The following CCZ1 variants were observed in gnomAD, a reference collection of about 807,000 sequenced individuals.
CCZ1 encodes vacuolar fusion protein CCZ1 homolog.
Under a neutral mutation model 57.8 loss-of-function variants are expected in CCZ1, and 19 were observed. That is an observed-to-expected ratio of 0.33 (90% CI 0.23 to 0.48). The LOEUF (loss-of-function observed/expected upper bound fraction) is 0.48, where lower values mean the gene tolerates loss of function less well. CCZ1 is among the 20% of genes least tolerant of loss of function. The pLI is 0.99. For synonymous variants in CCZ1, 81 were observed against 167.0 expected, an observed-to-expected ratio of 0.49 and a Z score of 3.97; for missense variants, 200 against 492.0, an observed-to-expected ratio of 0.41 and a Z score of 5.61.
intron 1 of CCZ1, among the ~76,000 whole-genome samples, chr7:5,899,376 T>TTCTGAG (rs1562536505): frequency 9.7e-6 from 1 of 102,672 alleles, no homozygotes; most frequent in African/African-American, 3.3e-5. Context: ...TGTGTGTGTG[T>TTCTGAG]GTGTGTGGTT....
chr7:5,901,490 A>T (rs1394053451), intron 4 of CCZ1, 167 bp from the exon 5 acceptor site: 1 of 1,219,204 alleles, frequency 8.2e-7, no homozygotes, highest in Admixed American at 3.1e-5. Context: ...ATCTCAAAAA[A>T]AAAAAAAAAA....
chr7:5,899,404 G>A (rs1164940517), intron 1 of CCZ1, among the ~76,000 whole-genome samples: 3 of 145,128 alleles, frequency 2.1e-5, no homozygotes, highest in Middle Eastern at 3.5e-3. Context: ...GGTGGGGACG[G>A]CGACTTTCTC....
Position 5,912,726 on chromosome 7 carries a change from A to G in CCZ1, c.843-117A>G, listed in dbSNP as rs555070819. 33 of 1,224,158 alleles carry G rather than the reference A, an allele frequency of 2.7e-5. 1 individual carries two copies. The South Asian group carries it at 3.9e-4, about 14-fold the overall frequency. 75.8% of individuals were successfully genotyped at this position (1,224,158 alleles called of 1,614,324 possible). ...GCATATTCTGATATGGTGTTTGCCAAATAGCACCTGGCATCAAAAGCAACT... is the reference window on the plus strand; with the variant it reads ...GCATATTCTGATATGGTGTTTGCCAGATAGCACCTGGCATCAAAAGCAACT... On this transcript the variant is annotated intron_variant, in intron 9 of 14. Coordinates refer to ENST00000325974, the MANE Select transcript of CCZ1 (RefSeq NM_015622.6).
chr7:5,920,557 C>T (rs1287421670), intron 12 of CCZ1, among the ~76,000 whole-genome samples: 1 of 124,632 alleles, frequency 8.0e-6, no homozygotes, highest in Admixed American at 8.0e-5. Flanking sequence ...CTGCAGCCTC[C>T]GCCTCCCAGG....
chr7:5,903,775 T>G (rs1388308922), intron 6 of CCZ1, among the ~76,000 whole-genome samples: 1 of 147,270 alleles, frequency 6.8e-6, no homozygotes, highest in Non-Finnish European at 1.5e-5. Flanking sequence ...GGGCAGATCT[T>G]GAGGTCATGA....
chr7:5,899,334 G>GGTGTGTGTGTGTGTGT (rs869199583), intron 1 of CCZ1, among the ~76,000 whole-genome samples: 15 of 12,562 alleles, frequency 1.2e-3, no homozygotes, highest in East Asian at 6.0e-3. Context: ...TCGGGAGGGG[G>GGTGTGTGTGTGTGTGT]GTGTGTGTGT....
chr7:5,909,521 C>G (rs576535136), intron 7 of CCZ1, among the ~76,000 whole-genome samples: 10 of 147,584 alleles, frequency 6.8e-5, no homozygotes, highest in Non-Finnish European at 1.2e-4. Flanking sequence ...GGCAACGTAG[C>G]AAGACCCCCA....
chr7:5,906,841 A>G (rs1158698525), intron 7 of CCZ1, among the ~76,000 whole-genome samples: 5 of 150,724 alleles, frequency 3.3e-5, no homozygotes, highest in Non-Finnish European at 2.9e-5. Context: ...CTAGGAAGAC[A>G]ACAGAAATTT....
At chr7:5,920,469 G>GTTTTTT (rs1562546070) in intron 12 of CCZ1, among the ~76,000 whole-genome samples, 4 of 22,144 alleles carry the variant, frequency 1.8e-4, no homozygotes, top group African/African-American at 6.3e-4. Flanking sequence ...TTTCTCCCTG[G>GTTTTTT]CTTTTTTTTT....
At chr7:5,908,796 T>C (rs954367634) in intron 7 of CCZ1, among the ~76,000 whole-genome samples, 1 of 144,152 alleles carries the variant, frequency 6.9e-6, no homozygotes, top group African/African-American at 2.6e-5. Flanking sequence ...TCTGTGCTTT[T>C]TCCATGTGCT....
At chr7:5,903,428 T>C (rs1781729623) in intron 6 of CCZ1, among the ~76,000 whole-genome samples, 2 of 145,500 alleles carry the variant, frequency 1.4e-5, no homozygotes, top group Admixed American at 1.4e-4. Flanking sequence ...CTAGTTTATC[T>C]CGAAGCAACA....
At chr7:5,906,309 C>A (rs1781818693) in intron 7 of CCZ1, among the ~76,000 whole-genome samples, 1 of 136,288 alleles carries the variant, frequency 7.3e-6, no homozygotes, top group Non-Finnish European at 1.5e-5. Flanking sequence ...GACTAGAGCC[C>A]ACTTTCTTTC....
At chr7:5,899,337 GTGTGT>G (rs1781627313) in intron 1 of CCZ1, among the ~76,000 whole-genome samples, 1 of 914 alleles carries the variant, frequency 1.1e-3, no homozygotes, top group Non-Finnish European at 3.2e-3. Context: ...GGAGGGGGGT[GTGTGT>G]GTGTGTGTGT....
chr7:5,914,416 A>T (rs1779108492), intron 10 of CCZ1, among the ~76,000 whole-genome samples: 1 of 149,148 alleles, frequency 6.7e-6, no homozygotes, highest in Non-Finnish European at 1.5e-5. Flanking sequence ...AGCCTGGGTG[A>T]CAGAGTGAAA....
At chr7:5,910,350 G>GT (rs1781940893) in intron 8 of CCZ1, 3 of 387,112 alleles carry the variant, frequency 7.7e-6, no homozygotes, top group Non-Finnish European at 1.3e-5. Context: ...CTGTGTGTTG[G>GT]TTTTTTTGTG....
At position 5,916,508 on chromosome 7, in the gene CCZ1, T is replaced by G. The variant is rs1437675470; in HGVS notation, c.955-2359T>G. 6.9e-4 allele frequency among the ~76,000 whole-genome samples: 9 copies of G among 12,994 alleles called. 1 individual carries two copies. Among genetic ancestry groups the G allele is most frequent in the African/African-American group, 2.3e-3 (9 of 3,936 alleles). 8.5% of individuals were successfully genotyped at this position (12,994 alleles called of 152,430 possible). On this transcript the variant is annotated intron_variant, in intron 10 of 14. Coordinates refer to ENST00000325974, the MANE Select transcript of CCZ1 (RefSeq NM_015622.6). ...TTGGGTTTTTGTTTTGTTTTTTGTTTTTTTTTTTTTTGGTTTTTTGGTTTT... is the reference window on the plus strand; with the variant it reads ...TTGGGTTTTTGTTTTGTTTTTTGTTGTTTTTTTTTTTGGTTTTTTGGTTTT...
intron 7 of CCZ1, among the ~76,000 whole-genome samples, chr7:5,905,902 C>CGT (rs1781804079): frequency 1.1e-5 from 1 of 93,012 alleles, no homozygotes; most frequent in African/African-American, 4.2e-5. Flanking sequence ...ATTTTTATAC[C>CGT]TTTTTTTTTT....
At chr7:5,906,120 A>T (rs1275407953) in intron 7 of CCZ1, among the ~76,000 whole-genome samples, 5 of 147,030 alleles carry the variant, frequency 3.4e-5, no homozygotes, top group Admixed American at 3.4e-4. Context: ...ATTACCTGCT[A>T]TCGTGAAACT....
chr7:5,907,508 C>T (rs1454459887), intron 7 of CCZ1, among the ~76,000 whole-genome samples: 1 of 147,636 alleles, frequency 6.8e-6, no homozygotes, highest in Non-Finnish European at 1.5e-5. Context: ...CAAGCCCCGC[C>T]ATGGGTGCAA....
Sources: allele counts gnomAD v4.1 joint callset (sites outside exome capture counted in the v4.1 genomes callset), GRCh38; gene constraint gnomAD v4.1.1; transcripts MANE v1.5; gene names NCBI Gene and HGNC (gene_info 2026-07-23, HGNC 2026-07-21).